Variants in IQSEC3 observed in about 807,000 individuals in gnomAD.
IQSEC3 encodes the protein IQ motif and Sec7 domain ArfGEF 3.
IQSEC3 carries 50 observed loss-of-function variants against 105.4 expected under a neutral mutation model. The ratio of observed to expected loss-of-function variants is 0.47; its 90% CI spans 0.38 to 0.60. The LOEUF is 0.60. IQSEC3 is among the 20% of genes least tolerant of loss of function. The probability of loss-of-function intolerance (pLI) is 0.00; values close to 1 mark genes in which losing one functional copy is unlikely to be tolerated. For synonymous variants in IQSEC3, 708 were observed against 746.0 expected (o/e 0.95, Z 0.83); for missense variants, 1,415 against 1,630.0 (o/e 0.87, Z 2.27).
At chr12:76,092 A>T (rs1863510790) in intron 1 of IQSEC3, among the ~76,000 whole-genome samples, 2 of 4,972 alleles carry the variant, frequency 4.0e-4, no homozygotes, top group African/African-American at 5.0e-4. Flanking sequence ...TTCATCACAC[A>T]CACACACACA....
At position 138,008 on chromosome 12, in the gene IQSEC3, C is replaced by T. The variant is rs1865839004; in HGVS notation, c.904-259C>T. 6.6e-6 allele frequency among the ~76,000 whole-genome samples: 1 copy of T among 152,158 alleles called. No individual in the cohort carries two copies. The highest frequency in any genetic ancestry group is 2.1e-4 in the South Asian group (1 of 4,826). On this transcript the variant is annotated intron_variant, in intron 3 of 13. Coordinates refer to ENST00000538872, the MANE Select transcript of IQSEC3 (RefSeq NM_001170738.2). The surrounding 1 kb of genome is among the most constrained non-coding windows in gnomAD (Gnocchi z 7.1). Reference sequence around the variant, plus strand: ...CGCCACAGCATCGATATCTGAACGCCATATGCAGCACCTCCCTCCTGGCCC... The same window carrying T: ...CGCCACAGCATCGATATCTGAACGCTATATGCAGCACCTCCCTCCTGGCCC...
Position 125,831 on chromosome 12 carries a change from G to A in IQSEC3, c.822G>A (p.Gln274=). 6.5e-7 allele frequency: 1 copy of A among 1,531,304 alleles called. No individual in the cohort carries two copies. Among genetic ancestry groups the A allele is most frequent in the Non-Finnish European group, 8.7e-7 (1 of 1,145,354 alleles). 94.9% of individuals were successfully genotyped at this position (1,531,304 alleles called of 1,614,324 possible). The part of the protein sequence containing the change: ...PQHKASPGRQ[Q]PALATALCPH... ...ACAAGGCCTCCCCCGGCCGGCAGCA[G>A]CCTGCCCTGGCGACGGCGCTGTGCC... Residue 274 remains glutamine, a synonymous_variant, in exon 3 of 14, where the codon CAG becomes CAA. Transcript: ENST00000538872.
intron 1 of IQSEC3, among the ~76,000 whole-genome samples, chr12:72,388 T>C (rs1278460014): frequency 1.4e-5 from 2 of 147,808 alleles, no homozygotes; most frequent in African/African-American, 5.0e-5. Flanking sequence ...GGAAAGAGAC[T>C]CAACTGCTGA....
intron 1 of IQSEC3, among the ~76,000 whole-genome samples, chr12:75,818 G>A (rs1305746663): frequency 2.0e-5 from 3 of 152,284 alleles, no homozygotes; most frequent in Admixed American, 6.5e-5. Flanking sequence ...TTGGGCAGAA[G>A]GGAGGACCCC....
At position 139,157 on chromosome 12, in the gene IQSEC3, C is replaced by T. The variant is rs1343287421; in HGVS notation, c.1794C>T (p.Ser598=). The T allele has an allele frequency of 3.9e-6, 6 of 1,556,566 alleles. No individual in the cohort carries two copies. The highest frequency in any genetic ancestry group is 5.2e-6 in the Non-Finnish European group (6 of 1,152,782). ...AGGCAGGCGACTTGGAGCAGCTGAG[C>T]AGCAGCAGCACGTCCACCAAGTCCG... is the stretch of plus-strand genomic sequence containing the variant. ...EAEAGDLEQL[S]SSSTSTKSAK... Residue 598 remains serine (S), a synonymous_variant, in exon 4 of 14, where the codon AGC becomes AGT. Transcript: ENST00000538872.
At chr12:140,183 TC>T (rs1175616167) in intron 4 of IQSEC3, 2 of 152,184 alleles carry the variant, frequency 1.3e-5, no homozygotes, top group Non-Finnish European at 2.9e-5. Flanking sequence ...GAAGGACACA[TC>T]CCCTGGCCTC....
At chr12:87,749 G>C (rs1490688233) in intron 1 of IQSEC3, among the ~76,000 whole-genome samples, 2 of 152,176 alleles carry the variant, frequency 1.3e-5, no homozygotes, top group African/African-American at 4.8e-5. Context: ...GGGAGGAAAG[G>C]GGGTAAAGAG....
intron 5 of IQSEC3, among the ~76,000 whole-genome samples, chr12:153,997 C>T (rs1185088151): frequency 4.6e-5 from 7 of 152,102 alleles, no homozygotes; most frequent in African/African-American, 1.2e-4. Flanking sequence ...CTTATGACTC[C>T]GCTGTGGGGT....
Position 138,501 on chromosome 12 carries a change from C to T in IQSEC3, c.1138C>T (p.Pro380Ser). The change falls in exon 4 of 14, where the codon CCG becomes TCG. Residue 380 changes from proline to serine, a missense_variant. This residue lies in a region of IQSEC3 where 720 missense variants were observed against 633.0 expected (regional missense o/e 1.14). Coordinates refer to ENST00000538872, the MANE Select transcript of IQSEC3 (RefSeq NM_001170738.2). This position sits in a 1 kb window ranked among gnomAD's most constrained non-coding sequence, Gnocchi z 7.1. ...LMEGYGLVGL[P>S]LVRSPSLPPT... is the part of the protein sequence containing the mutation. ...GGAGGGCTACGGCCTCGTGGGGCTG[C>T]CGCTGGTGCGCTCGCCCTCCCTGCC... 1 of 1,585,774 alleles carries T rather than the reference C, an allele frequency of 6.3e-7. No individual in the cohort carries two copies. The highest frequency in any genetic ancestry group is 1.7e-4 in the Middle Eastern group (1 of 6,042).
At position 72,959 on chromosome 12, in the gene IQSEC3, T is replaced by C. The variant is rs1177448969; in HGVS notation, c.554+5523T>C. Among the ~76,000 whole-genome samples, 70 of 134,540 alleles carry C rather than the reference T, an allele frequency of 5.2e-4. No individual in the cohort carries two copies. In the East Asian group the frequency reaches 0.014, roughly 27 times the overall value. The allele number at this position is 134,540 out of a possible 152,430, so 88.3% of individuals were successfully genotyped here. On this transcript the variant is annotated intron_variant, in intron 1 of 13. Transcript: ENST00000538872. ...TACTCGGGAGGCTGAGGCAGGAGAA[T>C]GGCGTGAACCCAGGAGGCAGAGCTT...
intron 2 of IQSEC3, among the ~76,000 whole-genome samples, chr12:101,033 C>T (rs1158759747): frequency 6.6e-6 from 1 of 152,186 alleles, no homozygotes; most frequent in African/African-American, 2.4e-5. Flanking sequence ...CAACTCAATT[C>T]AGTGAGCATT....
intron 7 of IQSEC3, among the ~76,000 whole-genome samples, chr12:159,818 C>T (rs1347277552): frequency 1.3e-5 from 2 of 152,160 alleles, no homozygotes; most frequent in Non-Finnish European, 2.9e-5. Context: ...TCATTTCTGC[C>T]CTCCAATTTC....
At position 154,831 on chromosome 12, in the gene IQSEC3, G is replaced by A. The variant is rs183151192; in HGVS notation, c.2154-2194G>A. Among the ~76,000 whole-genome samples the A allele has an allele frequency of 7.8e-4, 115 of 148,314 alleles. 2 individuals are homozygous for A. The highest frequency in any genetic ancestry group is 2.7e-3 in the African/African-American group (108 of 39,772). On this transcript the variant is annotated intron_variant, in intron 5 of 13. Transcript: ENST00000538872. ...GTCTCCGGTCTTGCTCCCTTTTTGC[G>A]ATCTCTCTCCTGCCTTTTCCTCCTT...
chr12:135,799 T>C (rs1865744926), intron 3 of IQSEC3, among the ~76,000 whole-genome samples: 1 of 152,192 alleles, frequency 6.6e-6, no homozygotes, highest in East Asian at 1.9e-4. Flanking sequence ...GTCCTGTGAT[T>C]ACAAGGAATT....
intron 1 of IQSEC3, among the ~76,000 whole-genome samples, chr12:69,252 T>A (rs1200314601): frequency 6.6e-6 from 1 of 152,272 alleles, no homozygotes; most frequent in South Asian, 2.1e-4. Flanking sequence ...CAAGAAGAGT[T>A]GAGGAAAGAT....
Position 139,312 on chromosome 12 carries a change from T to G in IQSEC3, c.1949T>G (p.Leu650Arg). ...TCGCCCACGCTCTCCACCGACACCC[T>G]GCGCAAGCGGCTCTACCGCATCGGC... Reference protein sequence around the residue: ...CKSPTLSTDTLRKRLYRIGLN... With the variant: ...CKSPTLSTDTRRKRLYRIGLN... The change falls in exon 4 of 14, where the codon CTG (leucine) becomes CGG (arginine). Residue 650 changes from leucine (L) to arginine (R), a missense_variant. Coordinates refer to ENST00000538872, the MANE Select transcript of IQSEC3 (RefSeq NM_001170738.2). 6.3e-7 allele frequency: 1 copy of G among 1,595,672 alleles called. No homozygotes were observed.
intron 2 of IQSEC3, among the ~76,000 whole-genome samples, chr12:105,964 C>T (rs1356385267): frequency 7.2e-5 from 11 of 152,166 alleles, no homozygotes; most frequent in African/African-American, 2.2e-4. Context: ...CGTTAAGGCA[C>T]GCAACTTTTT....
intron 13 of IQSEC3, chr12:171,411 C>T: frequency 8.1e-7 from 1 of 1,228,072 alleles, no homozygotes; most frequent in Admixed American, 1.8e-5. Flanking sequence ...GCCGAGCTCC[C>T]AGACTAACAC....
chr12:92,873 C>T (rs1555073826), intron 1 of IQSEC3, among the ~76,000 whole-genome samples: 1 of 152,184 alleles, frequency 6.6e-6, no homozygotes, highest in Non-Finnish European at 1.5e-5. Flanking sequence ...ACATTTTCTG[C>T]CCCTTGGTGC....
Sources: gnomAD v4.1 joint callset for allele counts (sites outside exome capture counted in the v4.1 genomes callset) on GRCh38, gnomAD v4.1.1 for gene constraint, gnomAD v4.1.1 regional missense constraint, Gnocchi (gnomAD v3.1) non-coding constraint, MANE v1.5 for transcripts, NCBI Gene and HGNC (gene_info 2026-07-23, HGNC 2026-07-21) for gene names.